The following MECOM variants were observed in gnomAD, a reference collection of about 807,000 sequenced individuals.
MECOM encodes the protein MDS1 and EVI1 complex locus, also known as histone-lysine N-methyltransferase MECOM.
A neutral mutation model predicts 116.3 loss-of-function variants in MECOM; 13 were observed. The observed-to-expected ratio is 0.11, with a 90% CI of 0.07 to 0.18. The LOEUF (loss-of-function observed/expected upper bound fraction) is 0.18, where lower values mean the gene tolerates loss of function less well. Among genes scored for constraint, MECOM ranks in the 10% least tolerant of loss-of-function variants. MECOM has a pLI of 1.00. For missense variants in MECOM, 1,299 were observed against 1,509.0 expected, an observed-to-expected ratio of 0.86 and a Z score of 2.31; for synonymous variants, 528 against 535.2, an observed-to-expected ratio of 0.99 and a Z score of 0.19.
At chr3:169,128,799 T>A (rs1289402635) in intron 4 of MECOM, among the ~76,000 whole-genome samples, 1 of 152,160 alleles carries the variant, frequency 6.6e-6, no homozygotes, top group Non-Finnish European at 1.5e-5. Flanking sequence ...ATAAGATAAA[T>A]AAATGGTAGT....
Position 169,128,012 on chromosome 3 carries a change from T to C in MECOM, c.662A>G (p.Lys221Arg). Reference sequence around the variant, plus strand: ...CTTTTGGTGATCTGCTAGTTCAGCCTTAGATTCAAAGAGCTGGTCACAGTC... The same window carrying C: ...CTTTTGGTGATCTGCTAGTTCAGCCCTAGATTCAAAGAGCTGGTCACAGTC... ...CEDCDQLFES[K>R]AELADHQKFP... Residue 221 changes from lysine to arginine, a missense_variant, in exon 5 of 17, where the codon AAG (lysine) becomes AGG (arginine). By Grantham distance (26) the Lys-to-Arg change is conservative (BLOSUM62 2). Coordinates refer to ENST00000651503, the MANE Select transcript of MECOM (RefSeq NM_004991.4). The C allele has an allele frequency of 6.2e-7, 1 of 1,614,096 alleles. No individual in the cohort carries two copies.
intron 1 of MECOM, among the ~76,000 whole-genome samples, chr3:169,441,728 C>CTT (rs774825326): frequency 8.1e-6 from 1 of 123,482 alleles, no homozygotes; most frequent in Non-Finnish European, 1.9e-5. Flanking sequence ...TTCTTCTCTT[C>CTT]TTTTTTTTTT....
chr3:169,521,602 G>A (rs1480141060), intron 1 of MECOM, among the ~76,000 whole-genome samples: 1 of 152,148 alleles, frequency 6.6e-6, no homozygotes, highest in East Asian at 1.9e-4. Context: ...TCAGACCAGT[G>A]CAGCATTGGA....
At chr3:169,571,700 C>A (rs1302520369) in intron 1 of MECOM, among the ~76,000 whole-genome samples, 1 of 152,122 alleles carries the variant, frequency 6.6e-6, no homozygotes, top group African/African-American at 2.4e-5. Flanking sequence ...CATCTACAAC[C>A]ATCTGATCTT....
intron 2 of MECOM, among the ~76,000 whole-genome samples, chr3:169,214,579 C>T (rs75111881): frequency 0.033 from 5,012 of 151,746 alleles, 88 homozygotes; most frequent in South Asian, 0.056. Context: ...TCATTGAGTA[C>T]CCCAATACTA....
chr3:169,514,529 T>C (rs570423917), intron 1 of MECOM, among the ~76,000 whole-genome samples: 1 of 152,294 alleles, frequency 6.6e-6, no homozygotes, highest in South Asian at 2.1e-4. Context: ...GAATGGAGGA[T>C]CAACTGTGAC....
chr3:169,130,431 A>G (rs1734283520), intron 4 of MECOM, among the ~76,000 whole-genome samples: 1 of 152,126 alleles, frequency 6.6e-6, no homozygotes, highest in African/African-American at 2.4e-5. Context: ...AGTTGCTAAG[A>G]GGAAAATGAG....
chr3:169,522,711 G>C (rs1339985152), intron 1 of MECOM, among the ~76,000 whole-genome samples: 1 of 152,228 alleles, frequency 6.6e-6, no homozygotes, highest in African/African-American at 2.4e-5. Context: ...ATAAGGAATA[G>C]ACATGGATGG....
chr3:169,315,761 T>A (rs1294724685), intron 2 of MECOM, among the ~76,000 whole-genome samples: 1 of 152,168 alleles, frequency 6.6e-6, no homozygotes, highest in Non-Finnish European at 1.5e-5. Context: ...GAATCAAATA[T>A]CATCTAGCGA....
chr3:169,114,314 C>T lies in MECOM; in HGVS notation c.2489+1069G>A, dbSNP rs75466592. 3.0e-3 allele frequency among the ~76,000 whole-genome samples: 457 copies of T among 152,208 alleles called. 1 individual carries two copies. The highest frequency in any genetic ancestry group is 9.9e-3 in the South Asian group (48 of 4,828). On this transcript the variant is annotated intron_variant, in intron 8 of 16. Transcript: ENST00000651503. ...AGTTATTTTGTATTGTCCTTTGATA[C>T]TACTTTATCATATTCAAACGAGGGT...
chr3:169,084,173 G>A lies in MECOM; in HGVS notation c.*736C>T, dbSNP rs879660541. The A allele has an allele frequency of 3.4e-5, 8 of 231,958 alleles. No individual in the cohort carries two copies. Among genetic ancestry groups the A allele is most frequent in the Non-Finnish European group, 6.8e-5 (8 of 117,348 alleles). 14.4% of individuals were successfully genotyped at this position (231,958 alleles called of 1,614,324 possible). A position where few individuals can be genotyped will look rare whatever the true frequency, so the allele number is the denominator to read the frequency against. ...AAACATTAAAAACAGTGACATGATTGTCTAAAATTAAGATGTTATTACAAG... is the reference window on the plus strand; with the variant it reads ...AAACATTAAAAACAGTGACATGATTATCTAAAATTAAGATGTTATTACAAG... On this transcript the variant is annotated 3_prime_UTR_variant, in exon 17 of 17. Coordinates refer to ENST00000651503, the MANE Select transcript of MECOM (RefSeq NM_004991.4).
At chr3:169,137,785 G>A (rs533203047) in intron 3 of MECOM, among the ~76,000 whole-genome samples, 105 of 152,156 alleles carry the variant, frequency 6.9e-4, no homozygotes, top group Admixed American at 1.2e-3. Context: ...ACAAAACAGA[G>A]AGAGAATTGT....
intron 2 of MECOM, among the ~76,000 whole-genome samples, chr3:169,224,403 A>G (rs1752487679): frequency 6.6e-6 from 1 of 152,186 alleles, no homozygotes; most frequent in African/African-American, 2.4e-5. Context: ...GTAAACCCAA[A>G]TGAGTTGTTT....
At position 169,662,669 on chromosome 3, in the gene MECOM, C is replaced by T. The variant is rs1001758604; in HGVS notation, c.37+667G>A. Among the ~76,000 whole-genome samples the T allele has an allele frequency of 3.3e-5, 5 of 151,700 alleles. No homozygotes were observed. In the South Asian group the frequency reaches 1.0e-3, roughly 32 times the overall value. ...GCAGCGCCGCGCCGGAGAGCATGGC[C>T]GAGCGCACAGCGCCCACTACCGCAG... On this transcript the variant is annotated intron_variant, in intron 1 of 16. Transcript: ENST00000651503.
chr3:169,249,160 G>A (rs1274452658), intron 2 of MECOM, among the ~76,000 whole-genome samples: 1 of 152,188 alleles, frequency 6.6e-6, no homozygotes, highest in African/African-American at 2.4e-5. Flanking sequence ...CCTATCATGT[G>A]CTTTGCGTGA....
intron 1 of MECOM, among the ~76,000 whole-genome samples, chr3:169,512,926 G>A (rs1471249385): frequency 1.3e-5 from 2 of 152,172 alleles, no homozygotes; most frequent in Non-Finnish European, 1.5e-5. Context: ...CCTAATCATG[G>A]CTGGGCACAG....
intron 2 of MECOM, among the ~76,000 whole-genome samples, chr3:169,324,163 C>A (rs1296611564): frequency 6.6e-6 from 1 of 152,086 alleles, no homozygotes; most frequent in African/African-American, 2.4e-5. Flanking sequence ...TAACATTCAG[C>A]GAACTCCTAT....
At chr3:169,305,283 GTGCTTTAA>G (rs1300888844) in intron 2 of MECOM, among the ~76,000 whole-genome samples, 1 of 152,144 alleles carries the variant, frequency 6.6e-6, no homozygotes. Flanking sequence ...AGCTCACTGA[GTGCTTTAA>G]TCTCATGATA....
intron 2 of MECOM, among the ~76,000 whole-genome samples, chr3:169,144,034 C>T (rs1738948117): frequency 1.3e-5 from 2 of 152,120 alleles, no homozygotes; most frequent in Admixed American, 1.3e-4. Context: ...AGGAATAAAG[C>T]ACTTGCAATT....
Sources: allele counts gnomAD v4.1 joint callset (sites outside exome capture counted in the v4.1 genomes callset), GRCh38; gene constraint gnomAD v4.1.1; transcripts MANE v1.5; gene names NCBI Gene and HGNC (gene_info 2026-07-23, HGNC 2026-07-21).